The following FAM13B variants were observed in gnomAD, a reference collection of about 807,000 sequenced individuals.
The protein encoded by FAM13B is family with sequence similarity 13 member B, also known as protein FAM13B.
In FAM13B, 60 loss-of-function variants were observed where a neutral mutation model predicts 117.3. The ratio of observed to expected loss-of-function variants is 0.51; its 90% CI spans 0.42 to 0.63. The LOEUF is 0.63. FAM13B is among the 30% of genes least tolerant of loss of function. The pLI, the probability that FAM13B is intolerant of heterozygous loss-of-function variation, is 0.00. For synonymous variants in FAM13B, 332 were observed against 356.1 expected, an observed-to-expected ratio of 0.93 and a Z score of 0.76; for missense variants, 972 against 1,091.9, an observed-to-expected ratio of 0.89 and a Z score of 1.55.
chr5:138,031,011 C>T (rs1316713252), intron 1 of FAM13B, among the ~76,000 whole-genome samples: 1 of 151,542 alleles, frequency 6.6e-6, no homozygotes, highest in South Asian at 2.1e-4. Context: ...CCAGCCTGGG[C>T]GACAGTGATG....
chr5:138,029,038 AAT>A (rs1789208704), intron 1 of FAM13B, among the ~76,000 whole-genome samples: 1 of 152,192 alleles, frequency 6.6e-6, no homozygotes, highest in Non-Finnish European at 1.5e-5. Context: ...AGAAAAAAAA[AAT>A]GACTTCATTT....
intron 1 of FAM13B, among the ~76,000 whole-genome samples, chr5:138,028,584 T>TA (rs1182309193): frequency 6.6e-6 from 1 of 152,118 alleles, no homozygotes; most frequent in African/African-American, 2.4e-5. Context: ...ACTTTGACCA[T>TA]AAAATACGCA....
At chr5:137,999,693 A>G (rs567624008) in intron 7 of FAM13B, among the ~76,000 whole-genome samples, 35 of 152,330 alleles carry the variant, frequency 2.3e-4, no homozygotes, top group African/African-American at 8.2e-4. Context: ...AATGCCATAC[A>G]CTAGGAAACA....
At chr5:138,017,818 T>G (rs1003800527) in intron 4 of FAM13B, among the ~76,000 whole-genome samples, 2 of 152,226 alleles carry the variant, frequency 1.3e-5, no homozygotes, top group Non-Finnish European at 2.9e-5. Flanking sequence ...TTCATTTCCT[T>G]TAGCTAAGTG....
intron 7 of FAM13B, among the ~76,000 whole-genome samples, chr5:137,995,194 C>A (rs771306902): frequency 6.6e-6 from 1 of 152,182 alleles, no homozygotes; most frequent in African/African-American, 2.4e-5. Context: ...GCAGTTTAAA[C>A]GGAAAAAGAC....
At chr5:138,048,090 C>T (rs1294280460) in intron 1 of FAM13B, among the ~76,000 whole-genome samples, 2 of 151,734 alleles carry the variant, frequency 1.3e-5, no homozygotes, top group East Asian at 3.9e-4. Flanking sequence ...AGAAAGAAAT[C>T]CAAAAAAACA....
chr5:138,010,966 A>AAG (rs1202517995), intron 6 of FAM13B, 42 bp downstream of exon 6: 36 of 1,406,222 alleles, frequency 2.6e-5, no homozygotes, highest in Non-Finnish European at 3.0e-5. Context: ...TTAAAAAAAA[A>AAG]AAAAAAAAAA....
chr5:138,015,247 T>C (rs971480840), intron 4 of FAM13B, among the ~76,000 whole-genome samples: 1 of 152,146 alleles, frequency 6.6e-6, no homozygotes, highest in Non-Finnish European at 1.5e-5. Flanking sequence ...CTAGTCTAAA[T>C]AAAAGGTTTA....
At chr5:137,956,008 G>A (rs955094411) in intron 14 of FAM13B, among the ~76,000 whole-genome samples, 1 of 152,040 alleles carries the variant, frequency 6.6e-6, no homozygotes, top group African/African-American at 2.4e-5. Flanking sequence ...ATGCAAAGAG[G>A]GCTTGACAGT....
At chr5:137,949,604 ACCCCGT>A (rs1223460164) in intron 17 of FAM13B, among the ~76,000 whole-genome samples, 1 of 152,038 alleles carries the variant, frequency 6.6e-6, no homozygotes, top group African/African-American at 2.4e-5. Flanking sequence ...ACATGGCAAA[ACCCCGT>A]CTCTACTAAA....
chr5:138,011,264 C>T, intron 5 of FAM13B, 115 bp from the exon 6 acceptor site: 1 of 939,492 alleles, frequency 1.1e-6, no homozygotes, highest in South Asian at 1.6e-5. Context: ...CCATTCTGTG[C>T]TTCCATTCTC....
intron 14 of FAM13B, 77 bp downstream of exon 14, chr5:137,956,397 CAGG>C (rs1766560445): frequency 1.1e-6 from 1 of 938,550 alleles, no homozygotes; most frequent in African/African-American, 1.7e-5. Context: ...ATGGGGACAG[CAGG>C]AGAAGGGCTT....
intron 1 of FAM13B, chr5:138,039,598 G>A (rs1474283627): frequency 2.1e-5 from 3 of 140,344 alleles, no homozygotes; most frequent in Admixed American, 2.1e-4. Flanking sequence ...ACCATGCCCA[G>A]CTTTTTTTTT....
intron 10 of FAM13B, 55 bp from the exon 11 acceptor site, chr5:137,962,524 GAA>G: frequency 6.6e-7 from 1 of 1,510,238 alleles, no homozygotes; most frequent in East Asian, 2.3e-5. Flanking sequence ...TCAGATAAGA[GAA>G]GTTGCCAATC....
intron 6 of FAM13B, 41 bp downstream of exon 6, chr5:138,010,967 A>AAG: frequency 7.1e-7 from 1 of 1,411,522 alleles, no homozygotes; most frequent in Non-Finnish European, 9.2e-7. Context: ...TAAAAAAAAA[A>AAG]AAAAAAAAAA....
At chr5:138,036,847 GT>G (rs1012060334), upstream of FAM13B, 7 of 324,598 alleles carry the variant, frequency 2.2e-5, no homozygotes, top group Non-Finnish European at 3.6e-5. Flanking sequence ...GACATTTTTG[GT>G]TTTTTTTTAA....
chr5:138,030,247 T>G (rs2151070849), intron 1 of FAM13B, among the ~76,000 whole-genome samples: 1 of 152,036 alleles, frequency 6.6e-6, no homozygotes, highest in East Asian at 1.9e-4. Context: ...TCATCACAGG[T>G]TTCTTGTTTT....
intron 7 of FAM13B, among the ~76,000 whole-genome samples, chr5:138,001,643 A>C (rs1423108294): frequency 6.6e-6 from 1 of 152,228 alleles, no homozygotes; most frequent in African/African-American, 2.4e-5. Flanking sequence ...TAGTGATGGA[A>C]GACAGACAAT....
intron 23 of FAM13B, among the ~76,000 whole-genome samples, chr5:137,941,190 G>C (rs1223492150): frequency 6.6e-6 from 1 of 152,092 alleles, no homozygotes; most frequent in East Asian, 1.9e-4. Flanking sequence ...TTACAGACGT[G>C]AGCCACTGCG....
Sources: gnomAD v4.1 joint callset for allele counts (sites outside exome capture counted in the v4.1 genomes callset) on GRCh38, gnomAD v4.1.1 for gene constraint, MANE v1.5 for transcripts, NCBI Gene and HGNC (gene_info 2026-07-23, HGNC 2026-07-21) for gene names.